GHRL: variants seen among roughly 807,000 people sequenced by gnomAD.
The protein encoded by GHRL is appetite-regulating hormone.
A neutral mutation model predicts 16.9 loss-of-function variants in GHRL; 24 were observed. The observed-to-expected ratio is 1.42, with a 90% confidence interval of 1.03 to 2.00. The LOEUF is 2.00. GHRL is among the 30% of genes most tolerant of loss of function. The pLI is 0.00. For synonymous variants in GHRL, 63 were observed against 58.2 expected (o/e 1.08, Z -0.37); for missense variants, 193 against 142.1 (o/e 1.36, Z -1.82).
chr3:10,291,029 T>C lies in GHRL; in HGVS notation c.-343A>G. On this transcript the variant is annotated 5_prime_UTR_variant, in exon 2 of 6. Coordinates refer to ENST00000335542, the MANE Select transcript of GHRL (RefSeq NM_016362.5). ...GAGGGAGGAGAGTGGCTCTGGGGTC[T>C]GGGTGCAGCTTTGTTGCTGTGTGAC... 1.0e-6 allele frequency: 1 copy of C among 985,640 alleles called. No homozygotes were observed. Among genetic ancestry groups the C allele is most frequent in the Non-Finnish European group, 1.2e-6 (1 of 830,054 alleles). The allele number at this position is 985,640 out of a possible 1,614,324, so 61.1% of individuals were successfully genotyped here.
intron 1 of GHRL, 76 bp from the exon 2 acceptor site, chr3:10,291,527 AT>A: frequency 1.1e-6 from 1 of 918,084 alleles, no homozygotes; most frequent in Non-Finnish European, 1.3e-6. Flanking sequence ...ACCACAAATA[AT>A]TCCCCTTACC....
At chr3:10,291,735 A>AC (rs1700047245) in intron 1 of GHRL, among the ~76,000 whole-genome samples, 1 of 152,260 alleles carries the variant, frequency 6.6e-6, no homozygotes, top group Non-Finnish European at 1.5e-5. Flanking sequence ...CCAGGCAGGA[A>AC]CCCCTAAGGG....
chr3:10,288,817 A>G (rs868037798), intron 4 of GHRL, among the ~76,000 whole-genome samples: 3 of 152,204 alleles, frequency 2.0e-5, no homozygotes, highest in Non-Finnish European at 4.4e-5. Flanking sequence ...GTCTCTGTCC[A>G]TCAGACCAGT....
intron 5 of GHRL, among the ~76,000 whole-genome samples, 199 bp from the exon 6 acceptor site, chr3:10,286,093 C>T (rs891303302): frequency 1.3e-5 from 2 of 152,192 alleles, no homozygotes; most frequent in Non-Finnish European, 2.9e-5. Context: ...TTGGTTTCCT[C>T]GTTTGCACAG....
Position 10,290,810 on chromosome 3 carries a change from T to C in GHRL, c.-124A>G. On this transcript the variant is annotated 5_prime_UTR_variant, in exon 2 of 6. Coordinates refer to ENST00000335542, the MANE Select transcript of GHRL (RefSeq NM_016362.5). ...TAAACCAGCAACCCCATCCCAGAGG[T>C]GGCCTAGCTTCCGTGGGGCTGATGT... 1 of 987,510 alleles carries C rather than the reference T, an allele frequency of 1.0e-6. No homozygotes were observed. The highest frequency in any genetic ancestry group is 1.2e-6 in the Non-Finnish European group (1 of 831,308). The allele number at this position is 987,510 out of a possible 1,614,324, so 61.2% of individuals were successfully genotyped here. A position where few individuals can be genotyped will look rare whatever the true frequency, so the allele number is the denominator to read the frequency against.
At chr3:10,289,625 C>T in intron 4 of GHRL, 137 bp downstream of exon 4, 1 of 730,986 alleles carries the variant, frequency 1.4e-6, no homozygotes, top group East Asian at 2.4e-5. Flanking sequence ...CAGAGCTCAA[C>T]TCCTGTGGTA....
Position 10,290,831 on chromosome 3 carries a change from G to C in GHRL, c.-145C>G. On this transcript the variant is annotated 5_prime_UTR_variant, in exon 2 of 6. The change creates a new upstream start codon in the 5' untranslated region. Coordinates refer to ENST00000335542, the MANE Select transcript of GHRL (RefSeq NM_016362.5). ...GAGGTGGCCTAGCTTCCGTGGGGCT[G>C]ATGTACATTCCTTGGGAACTAAAAA... 2 of 986,718 alleles carry C rather than the reference G, an allele frequency of 2.0e-6. No individual in the cohort carries two copies. Among genetic ancestry groups the C allele is most frequent in the Non-Finnish European group, 2.4e-6 (2 of 830,784 alleles). 61.1% of individuals were successfully genotyped at this position (986,718 alleles called of 1,614,324 possible).
Position 10,290,093 on chromosome 3 carries a change from G to A in GHRL, c.88C>T (p.Pro30Ser). Reference sequence around the variant, plus strand: ...CTCACCTGGACTCTCTGGTGTTCAGGGCTCAGGAAGCTGGAGCCTGCCATG... The same window carrying A: ...CTCACCTGGACTCTCTGGTGTTCAGAGCTCAGGAAGCTGGAGCCTGCCATG... Reference protein sequence around the residue: ...LAMAGSSFLSPEHQRVQQRKE... With the variant: ...LAMAGSSFLSSEHQRVQQRKE... The change falls in exon 3 of 6, where the codon CCT becomes TCT. Residue 30 changes from proline to serine, a missense_variant. Coordinates refer to ENST00000335542, the MANE Select transcript of GHRL (RefSeq NM_016362.5). 6.2e-7 allele frequency: 1 copy of A among 1,612,706 alleles called. No individual in the cohort carries two copies. Among genetic ancestry groups the A allele is most frequent in the Non-Finnish European group, 8.5e-7 (1 of 1,179,686 alleles).
At chr3:10,291,767 A>C (rs1291787059) in intron 1 of GHRL, among the ~76,000 whole-genome samples, 1 of 152,172 alleles carries the variant, frequency 6.6e-6, no homozygotes, top group East Asian at 1.9e-4. Flanking sequence ...TCTGCAGAGA[A>C]GTTCTAGCAG....
intron 5 of GHRL, among the ~76,000 whole-genome samples, chr3:10,286,160 G>C (rs1343141176): frequency 6.6e-6 from 1 of 152,230 alleles, no homozygotes; most frequent in African/African-American, 2.4e-5. Flanking sequence ...GCCTTGGTGA[G>C]GACAGTGCTT....
At chr3:10,286,083 T>C (rs116755162) in intron 5 of GHRL, among the ~76,000 whole-genome samples, 189 bp from the exon 6 acceptor site, 1 of 152,338 alleles carries the variant, frequency 6.6e-6, no homozygotes, top group African/African-American at 2.4e-5. Context: ...GCTCTGAGTC[T>C]TGGTTTCCTC....
chr3:10,292,738 G>A, intron 1 of GHRL, 104 bp downstream of exon 1: 4 of 707,292 alleles, frequency 5.7e-6, no homozygotes, highest in Non-Finnish European at 9.9e-6. Flanking sequence ...GAGAAGACTT[G>A]CAGCTTTTTC....
At position 10,292,835 on chromosome 3, in the gene GHRL, C is replaced by T. The variant is rs1439171137; in HGVS notation, c.-766+7G>A. Reference sequence around the variant, plus strand: ...GGTACCTCCTGAGACATGAAGCCTCCACTTACCTGGACCCTGGAGGCCTCT... The same window carrying T: ...GGTACCTCCTGAGACATGAAGCCTCTACTTACCTGGACCCTGGAGGCCTCT... On this transcript the variant is annotated splice_region_variant and intron_variant, in intron 1 of 5. Transcript: ENST00000335542. 6 of 1,510,200 alleles carry T rather than the reference C, an allele frequency of 4.0e-6. No homozygotes were observed. Among genetic ancestry groups the T allele is most frequent in the Non-Finnish European group, 1.8e-6 (2 of 1,114,622 alleles). The allele number at this position is 1,510,200 out of a possible 1,614,324, so 93.5% of individuals were successfully genotyped here.
intron 1 of GHRL, chr3:10,292,566 C>A: frequency 4.7e-6 from 2 of 430,062 alleles, no homozygotes; most frequent in South Asian, 3.2e-5. Context: ...CACCACCAAC[C>A]CACTGTGGTG....
rs755490508 is a variant in GHRL at position 10,290,275 on chromosome 3, A to C, written c.-29-66T>G. The C allele has an allele frequency of 1.7e-4, 247 of 1,487,474 alleles. 1 individual carries two copies. Among genetic ancestry groups the C allele is most frequent in the Middle Eastern group, 2.4e-4 (1 of 4,172 alleles). The allele number at this position is 1,487,474 out of a possible 1,614,324, so 92.1% of individuals were successfully genotyped here. On this transcript the variant is annotated intron_variant, in intron 2 of 5. Coordinates refer to ENST00000335542, the MANE Select transcript of GHRL (RefSeq NM_016362.5). ...CATGTGCCTCTGAGCTTGCTCAGGT[A>C]GGAGCCCAGCAGATGGCGTGAAGGG...
intron 4 of GHRL, chr3:10,287,978 A>ACT (rs1185945595): frequency 1.6e-5 from 2 of 121,942 alleles, no homozygotes; most frequent in Non-Finnish European, 3.3e-5. Flanking sequence ...TCCAGTAAAT[A>ACT]CTTGTTTTTC....
chr3:10,286,846 T>A (rs375054197), intron 4 of GHRL, 34 bp from the exon 5 acceptor site: 1 of 1,254,014 alleles, frequency 8.0e-7, no homozygotes, highest in East Asian at 2.3e-5. Context: ...CCAGGAGATG[T>A]CAGAGGTCAT....
chr3:10,285,678 T>TTA lies in GHRL; in HGVS notation c.*195_*196dup, dbSNP rs1698952450. The TTA allele has an allele frequency of 1.7e-5, 9 of 541,218 alleles. No individual in the cohort carries two copies. In the East Asian group the frequency reaches 2.8e-4, roughly 17 times the overall value. 33.5% of individuals were successfully genotyped at this position (541,218 alleles called of 1,614,324 possible). ...AAACCAAGAATTATTTTTATTTGTA[T>TTA]TATTTTGATTTTTTTAAAGTAAAAT... is the stretch of plus-strand genomic sequence containing the variant. On this transcript the variant is annotated 3_prime_UTR_variant, in exon 6 of 6. Coordinates refer to ENST00000335542, the MANE Select transcript of GHRL (RefSeq NM_016362.5).
rs1699957313 is a variant in GHRL, at chr3:10,291,195, G to A, written c.-509C>T. ...CTCTGTGAGCCCCGGGAGTCCGCAG[G>A]GAGCCAGGCTGGTGATTCTACACCT... On this transcript the variant is annotated 5_prime_UTR_variant, in exon 2 of 6. Transcript: ENST00000335542. The A allele has an allele frequency of 1.0e-6, 1 of 985,544 alleles. No homozygotes were observed. Among genetic ancestry groups the A allele is most frequent in the Admixed American group, 6.1e-5 (1 of 16,268 alleles). The allele number at this position is 985,544 out of a possible 1,614,324, so 61.0% of individuals were successfully genotyped here.
Sources: allele counts gnomAD v4.1 joint callset (sites outside exome capture counted in the v4.1 genomes callset), GRCh38; gene constraint gnomAD v4.1.1; transcripts MANE v1.5; gene names NCBI Gene and HGNC (gene_info 2026-07-23, HGNC 2026-07-21).